Variants in HS3ST4 observed in about 807,000 individuals in gnomAD.
HS3ST4 encodes heparan sulfate glucosamine 3-O-sulfotransferase 4.
A neutral mutation model predicts 29.2 loss-of-function variants in HS3ST4; 17 were observed. The observed-to-expected ratio is 0.58, with a 90% CI of 0.40 to 0.87. The LOEUF (loss-of-function observed/expected upper bound fraction) is 0.87, where lower values mean the gene tolerates loss of function less well. HS3ST4 is among the 40% of genes least tolerant of loss of function. HS3ST4 has a pLI of 0.00. For synonymous variants in HS3ST4, 314 were observed against 285.7 expected (o/e 1.10, Z -1.00); for missense variants, 627 against 634.5 (o/e 0.99, Z 0.13).
intron 1 of HS3ST4, among the ~76,000 whole-genome samples, chr16:25,728,518 G>A (rs564833130): frequency 6.6e-6 from 1 of 152,272 alleles, no homozygotes; most frequent in East Asian, 1.9e-4. Context: ...CCCTTCATAA[G>A]GACTGAATAA....
chr16:25,948,341 C>A (rs1968649933), intron 1 of HS3ST4, among the ~76,000 whole-genome samples: 1 of 151,722 alleles, frequency 6.6e-6, no homozygotes, highest in Non-Finnish European at 1.5e-5. Flanking sequence ...TAGTTATATG[C>A]AATTTTTTTT....
At chr16:26,011,033 C>T (rs1245451831) in intron 1 of HS3ST4, among the ~76,000 whole-genome samples, 1 of 152,132 alleles carries the variant, frequency 6.6e-6, no homozygotes, top group East Asian at 1.9e-4. Context: ...ATACCTTAAG[C>T]TCAGCTATTG....
chr16:25,968,513 TC>T (rs1298439124), intron 1 of HS3ST4, among the ~76,000 whole-genome samples: 2 of 152,066 alleles, frequency 1.3e-5, no homozygotes, highest in East Asian at 3.9e-4. Context: ...GTGCCAATGA[TC>T]ATTTCCTGTG....
chr16:26,113,470 A>ATTGTG (rs766908254), intron 1 of HS3ST4, among the ~76,000 whole-genome samples: 1 of 132,158 alleles, frequency 7.6e-6, no homozygotes, highest in African/African-American at 2.9e-5. Flanking sequence ...ACAATATATG[A>ATTGTG]TGTGTGTGTG....
chr16:26,127,778 A>G (rs967292690), intron 1 of HS3ST4, among the ~76,000 whole-genome samples: 1 of 152,192 alleles, frequency 6.6e-6, no homozygotes, highest in African/African-American at 2.4e-5. Flanking sequence ...TGCCACTACA[A>G]CCTCAGTGGA....
At chr16:25,903,324 T>TACATATTTATATGTATATATTATAG (rs67993882) in intron 1 of HS3ST4, among the ~76,000 whole-genome samples, 1 of 74,298 alleles carries the variant, frequency 1.3e-5, no homozygotes, top group Admixed American at 1.3e-4. Context: ...ATATATTATA[T>TACATATTTATATGTATATATTATAG]ATATGTATAT....
chr16:25,766,167 G>A (rs1203161155), intron 1 of HS3ST4, among the ~76,000 whole-genome samples: 1 of 151,958 alleles, frequency 6.6e-6, no homozygotes, highest in Non-Finnish European at 1.5e-5. Flanking sequence ...TGGTTAATCA[G>A]ACAGAGCCTC....
chr16:26,067,340 C>T (rs907342215), intron 1 of HS3ST4, among the ~76,000 whole-genome samples: 8 of 152,070 alleles, frequency 5.3e-5, no homozygotes, highest in East Asian at 1.9e-4. Flanking sequence ...ATAATCTGAG[C>T]GCTAAAATAA....
At chr16:25,922,302 G>A (rs1161999626) in intron 1 of HS3ST4, among the ~76,000 whole-genome samples, 1 of 152,138 alleles carries the variant, frequency 6.6e-6, no homozygotes, top group Non-Finnish European at 1.5e-5. Flanking sequence ...TTTATGAATG[G>A]GATTGGTACC....
chr16:25,903,302 G>GTATGTATGTATATGTATATATTATATACA (rs1968138453), intron 1 of HS3ST4, among the ~76,000 whole-genome samples: 8 of 103,500 alleles, frequency 7.7e-5, no homozygotes, highest in African/African-American at 3.0e-4. Context: ...GTGTGTGTGT[G>GTATGTATGTATATGTATATATTATATACA]TATGTATATG....
chr16:25,729,032 A>G (rs1966554655), intron 1 of HS3ST4, among the ~76,000 whole-genome samples: 1 of 152,092 alleles, frequency 6.6e-6, no homozygotes, highest in South Asian at 2.1e-4. Context: ...GCAGTGAGCT[A>G]TGACTGCACC....
intron 1 of HS3ST4, among the ~76,000 whole-genome samples, chr16:25,983,824 G>T (rs11866361): frequency 0.026 from 3,973 of 152,274 alleles, 185 homozygotes; most frequent in African/African-American, 0.091. Context: ...AGTAATTTCA[G>T]GGTTGGTGGT....
chr16:26,109,404 A>G (rs1899098459), intron 1 of HS3ST4, among the ~76,000 whole-genome samples: 1 of 152,164 alleles, frequency 6.6e-6, no homozygotes, highest in Non-Finnish European at 1.5e-5. Flanking sequence ...TTATGCATTT[A>G]TGAGCCAGAG....
intron 1 of HS3ST4, among the ~76,000 whole-genome samples, chr16:25,945,816 A>C (rs1968619888): frequency 6.6e-6 from 1 of 151,966 alleles, no homozygotes; most frequent in African/African-American, 2.4e-5. Context: ...TTTCCATTCC[A>C]CCTTCATTCA....
chr16:26,110,427 C>T (rs1899113948), intron 1 of HS3ST4, among the ~76,000 whole-genome samples: 1 of 152,180 alleles, frequency 6.6e-6, no homozygotes, highest in African/African-American at 2.4e-5. Flanking sequence ...GACCTCCCTA[C>T]ACCATGCCCA....
At chr16:25,716,161 C>T (rs1259985992) in intron 1 of HS3ST4, among the ~76,000 whole-genome samples, 1 of 152,242 alleles carries the variant, frequency 6.6e-6, no homozygotes, top group Non-Finnish European at 1.5e-5. Context: ...GGTGCTTCTG[C>T]AGACTTCTTT....
chr16:26,066,701 G>C (rs1898546448), intron 1 of HS3ST4, among the ~76,000 whole-genome samples: 1 of 152,216 alleles, frequency 6.6e-6, no homozygotes, highest in Non-Finnish European at 1.5e-5. Context: ...GTGTGCAGAA[G>C]AGCAGGTAGA....
chr16:26,134,510 G>A (rs369122011), intron 1 of HS3ST4, among the ~76,000 whole-genome samples: 31 of 151,830 alleles, frequency 2.0e-4, no homozygotes, highest in South Asian at 8.3e-4. Flanking sequence ...CTGCAGGCGC[G>A]TGCCACCATG....
intron 1 of HS3ST4, among the ~76,000 whole-genome samples, chr16:25,921,205 G>C (rs959050360): frequency 6.6e-6 from 1 of 152,152 alleles, no homozygotes; most frequent in Admixed American, 6.5e-5. Context: ...TAGAATGAAT[G>C]GATAAAATGA....
Sources: gnomAD v4.1 joint callset for allele counts (sites outside exome capture counted in the v4.1 genomes callset) on GRCh38, gnomAD v4.1.1 for gene constraint, MANE v1.5 for transcripts, NCBI Gene and HGNC (gene_info 2026-07-23, HGNC 2026-07-21) for gene names.